TTC28: variants seen among roughly 807,000 people sequenced by gnomAD.
The protein encoded by TTC28 is tetratricopeptide repeat protein 28.
In TTC28, 61 loss-of-function variants were observed where a neutral mutation model predicts 198.0. The ratio of observed to expected loss-of-function variants is 0.31; its 90% CI spans 0.25 to 0.38. The LOEUF (loss-of-function observed/expected upper bound fraction) is 0.38, where lower values mean the gene tolerates loss of function less well. Ranked by LOEUF, TTC28 falls within the 10% of genes least tolerant of loss-of-function variation. The probability of loss-of-function intolerance (pLI) is 1.00; values close to 1 mark genes in which losing one functional copy is unlikely to be tolerated. For missense variants in TTC28, 2,678 were observed against 3,164.0 expected (o/e 0.85, Z 3.69); for synonymous variants, 1,171 against 1,297.8 (o/e 0.90, Z 2.10).
At chr22:28,148,577 C>T (rs1943530418) in intron 6 of TTC28, among the ~76,000 whole-genome samples, 1 of 147,752 alleles carries the variant, frequency 6.8e-6, no homozygotes, top group Non-Finnish European at 1.5e-5. Context: ...TGCGTCACTG[C>T]ACTTCAGCCT....
chr22:28,206,528 G>A (rs1240386149), intron 5 of TTC28, among the ~76,000 whole-genome samples: 1 of 152,134 alleles, frequency 6.6e-6, no homozygotes, highest in African/African-American at 2.4e-5. Context: ...TCAGACATTA[G>A]GCTATAAAGG....
chr22:28,186,070 C>T (rs557273217), intron 5 of TTC28, among the ~76,000 whole-genome samples: 1 of 151,810 alleles, frequency 6.6e-6, no homozygotes, highest in African/African-American at 2.4e-5. Context: ...TTCTAATTTG[C>T]AATTTTTTTT....
intron 2 of TTC28, among the ~76,000 whole-genome samples, chr22:28,577,394 G>A (rs1483373236): frequency 6.6e-6 from 1 of 152,038 alleles, no homozygotes; most frequent in East Asian, 1.9e-4. Flanking sequence ...CTAACATACA[G>A]TCTATCCCTG....
chr22:28,553,047 C>T (rs975396741), intron 2 of TTC28, among the ~76,000 whole-genome samples: 1 of 152,176 alleles, frequency 6.6e-6, no homozygotes, highest in Non-Finnish European at 1.5e-5. Flanking sequence ...CCTCGGCCTC[C>T]CGAGGTGCCG....
In TTC28 at chr22:28,461,174, AC is replaced by A. The variant is rs992948912; in HGVS notation, c.382-154532del. 2.0e-5 allele frequency among the ~76,000 whole-genome samples: 3 copies of A among 152,162 alleles called. 1 individual carries two copies. Among genetic ancestry groups the A allele is most frequent in the Admixed American group, 1.3e-4 (2 of 15,276 alleles). On this transcript the variant is annotated intron_variant, in intron 2 of 22. Transcript: ENST00000397906. Reference sequence around the variant, plus strand: ...TATAGTTACCTTCTATTTTTCTAAAACTTTGTTAAAGGCAGAATGTCTATTG... The same window carrying A: ...TATAGTTACCTTCTATTTTTCTAAAATTTGTTAAAGGCAGAATGTCTATTG...
intron 12 of TTC28, among the ~76,000 whole-genome samples, chr22:28,081,312 C>G (rs1176792349): frequency 6.6e-6 from 1 of 151,820 alleles, no homozygotes; most frequent in Admixed American, 6.6e-5. Context: ...ACCCAAGTAG[C>G]TGGGATTACA....
At position 28,001,392 on chromosome 22, in the gene TTC28, G is replaced by T; in HGVS notation, c.4380C>A (p.Ser1460=). ...FGLLAVPSIR[S]LSVQSKSHLR... is the part of the protein sequence containing the mutation. The stretch of plus-strand genomic sequence containing the variant: ...GCCTTACCTTGGACTGCACGCTGAG[G>T]GAGCGGATGGAAGGGACAGCAAGGA... Residue 1460 remains serine (S), a synonymous_variant, in exon 15 of 23, where the codon TCC becomes TCA. Transcript: ENST00000397906. 1 of 1,550,966 alleles carries T rather than the reference G, an allele frequency of 6.4e-7. No individual in the cohort carries two copies. Among genetic ancestry groups the T allele is most frequent in the South Asian group, 1.2e-5 (1 of 84,038 alleles).
intron 11 of TTC28, among the ~76,000 whole-genome samples, 152 bp downstream of exon 11, chr22:28,096,038 C>G (rs769783626): frequency 6.6e-6 from 1 of 152,210 alleles, no homozygotes; most frequent in African/African-American, 2.4e-5. Flanking sequence ...GAATGCCCCA[C>G]CACGGCATAT....
chr22:28,567,716 A>G (rs1313406057), intron 2 of TTC28, among the ~76,000 whole-genome samples: 1 of 151,828 alleles, frequency 6.6e-6, no homozygotes, highest in African/African-American at 2.4e-5. Context: ...GCTGCTTGAG[A>G]AAGTATACCA....
chr22:28,379,826 A>T (rs929079952), intron 2 of TTC28, among the ~76,000 whole-genome samples: 1 of 152,152 alleles, frequency 6.6e-6, no homozygotes, highest in African/African-American at 2.4e-5. Context: ...AATGTGAAAG[A>T]CTTCAGCAAC....
At chr22:28,458,076 A>C (rs1341471355) in intron 2 of TTC28, among the ~76,000 whole-genome samples, 1 of 151,706 alleles carries the variant, frequency 6.6e-6, no homozygotes, top group African/African-American at 2.4e-5. Flanking sequence ...ATTTTATGGA[A>C]CTCTTATTTT....
chr22:28,281,456 T>C (rs1465968225), intron 5 of TTC28, among the ~76,000 whole-genome samples: 2 of 152,220 alleles, frequency 1.3e-5, no homozygotes, highest in African/African-American at 4.8e-5. Context: ...TCTATTTCTC[T>C]GTTGAGATTT....
intron 5 of TTC28, among the ~76,000 whole-genome samples, chr22:28,222,816 C>A (rs1233216566): frequency 6.6e-6 from 1 of 152,210 alleles, no homozygotes; most frequent in Non-Finnish European, 1.5e-5. Context: ...AAGGCCTGAG[C>A]CGATCTGTAC....
At chr22:27,987,100 C>T (rs1448701674) in intron 21 of TTC28, among the ~76,000 whole-genome samples, 1 of 152,196 alleles carries the variant, frequency 6.6e-6, no homozygotes, top group African/African-American at 2.4e-5. Context: ...AGCCACCTCT[C>T]TCCAGATGAC....
At chr22:28,385,415 C>A (rs1315157218) in intron 2 of TTC28, among the ~76,000 whole-genome samples, 1 of 150,720 alleles carries the variant, frequency 6.6e-6, no homozygotes, top group Non-Finnish European at 1.5e-5. Context: ...ATAATAATAT[C>A]TACTTTTAAT....
chr22:28,386,274 C>CCAAAAAA, intron 2 of TTC28, among the ~76,000 whole-genome samples: 1 of 52,220 alleles, frequency 1.9e-5, no homozygotes, highest in Non-Finnish European at 3.3e-5. Flanking sequence ...GACTCCGTCT[C>CCAAAAAA]AAAAAAAAAA....
At chr22:28,678,871 C>G (rs1199880268) in intron 1 of TTC28, among the ~76,000 whole-genome samples, 3 of 152,118 alleles carry the variant, frequency 2.0e-5, no homozygotes, top group Non-Finnish European at 4.4e-5. Flanking sequence ...ATCACAACTT[C>G]GGAGCTTGTT....
chr22:28,369,998 G>A (rs559841735), intron 2 of TTC28, among the ~76,000 whole-genome samples: 1 of 151,836 alleles, frequency 6.6e-6, no homozygotes, highest in African/African-American at 2.4e-5. Context: ...CTGCCTTATC[G>A]CCTCCCTCTG....
At chr22:28,480,296 A>T (rs2048227277) in intron 2 of TTC28, among the ~76,000 whole-genome samples, 1 of 152,118 alleles carries the variant, frequency 6.6e-6, no homozygotes, top group Non-Finnish European at 1.5e-5. Context: ...TCATGTAACT[A>T]AGCTATACAT....
Sources: gnomAD v4.1 joint callset for allele counts (sites outside exome capture counted in the v4.1 genomes callset) on GRCh38, gnomAD v4.1.1 for gene constraint, MANE v1.5 for transcripts, NCBI Gene and HGNC (gene_info 2026-07-23, HGNC 2026-07-21) for gene names.